The following NDC80 variants were observed in gnomAD, a reference collection of about 807,000 sequenced individuals.
NDC80 encodes the protein kinetochore protein NDC80 homolog.
NDC80 carries 69 observed loss-of-function variants against 89.3 expected under a neutral mutation model. The ratio of observed to expected loss-of-function variants is 0.77; its 90% CI spans 0.64 to 0.94. NDC80 has a LOEUF of 0.94. NDC80 is among the 40% of genes least tolerant of loss of function. The pLI is 0.00. For synonymous variants in NDC80, 243 were observed against 255.6 expected (o/e 0.95, Z 0.47); for missense variants, 593 against 739.6 (o/e 0.80, Z 2.30).
At chr18:2,604,075 T>G (rs2072698117) in intron 13 of NDC80, among the ~76,000 whole-genome samples, 1 of 152,228 alleles carries the variant, frequency 6.6e-6, no homozygotes, top group East Asian at 1.9e-4. Context: ...AGCAAATATT[T>G]TTTGAGTGCT....
chr18:2,607,279 A>C (rs1269512190), intron 14 of NDC80, among the ~76,000 whole-genome samples: 1 of 152,050 alleles, frequency 6.6e-6, no homozygotes, highest in Non-Finnish European at 1.5e-5. Flanking sequence ...GCTTGAGTTT[A>C]CTCTCTGACG....
chr18:2,603,360 T>C (rs930670793), intron 13 of NDC80, among the ~76,000 whole-genome samples: 3 of 123,752 alleles, frequency 2.4e-5, no homozygotes, highest in South Asian at 4.5e-4. Flanking sequence ...TTTATACATA[T>C]ATATATATAT....
intron 10 of NDC80, among the ~76,000 whole-genome samples, chr18:2,590,436 A>G (rs891802369): frequency 5.3e-5 from 8 of 152,302 alleles, no homozygotes; most frequent in South Asian, 2.1e-4. Flanking sequence ...GGGAGGATCT[A>G]TTCCTTGCCT....
chr18:2,604,766 C>T (rs1048159597), intron 13 of NDC80, among the ~76,000 whole-genome samples: 2 of 152,088 alleles, frequency 1.3e-5, no homozygotes, highest in Non-Finnish European at 1.5e-5. Context: ...GAGACAAGAA[C>T]CTAATTATGA....
intron 15 of NDC80, 44 bp from the exon 16 acceptor site, chr18:2,610,715 A>G: frequency 1.5e-6 from 2 of 1,364,468 alleles, no homozygotes; most frequent in South Asian, 2.7e-5. Flanking sequence ...CGGATGTATT[A>G]ATTTTTTTCC....
intron 6 of NDC80, chr18:2,582,204 G>A (rs1237834838): frequency 6.6e-6 from 1 of 152,176 alleles, no homozygotes; most frequent in Non-Finnish European, 1.5e-5. Flanking sequence ...AGCCTCCCAA[G>A]TAGCTAGGAT....
intron 16 of NDC80, among the ~76,000 whole-genome samples, chr18:2,613,849 TACC>T (rs1307209885): frequency 2.0e-5 from 3 of 152,168 alleles, no homozygotes; most frequent in Non-Finnish European, 4.4e-5. Context: ...GGTAAAAGAT[TACC>T]ATCCAGATAT....
At chr18:2,605,707 T>C (rs1466880593) in intron 13 of NDC80, among the ~76,000 whole-genome samples, 1 of 151,898 alleles carries the variant, frequency 6.6e-6, no homozygotes, top group East Asian at 1.9e-4. Context: ...TTCATATGTG[T>C]GTAGAATTAT....
chr18:2,599,508 G>C (rs1468811368), intron 12 of NDC80, among the ~76,000 whole-genome samples: 1 of 152,048 alleles, frequency 6.6e-6, no homozygotes, highest in Non-Finnish European at 1.5e-5. Flanking sequence ...TTCTTCCCAT[G>C]TAGCAAAAAA....
rs71365186 is a variant in NDC80 at position 2,580,731 on chromosome 18, A to ATTTTTTTTTTTTTTTTTTTTTTTTTTTT, written c.579+1704_579+1731dup. On this transcript the variant is annotated intron_variant, in intron 6 of 16. Coordinates refer to ENST00000261597, the MANE Select transcript of NDC80 (RefSeq NM_006101.3). ...ACTACTTTTTTGGTCTCACCATCAGATTTTTTTTTTTTTTTTTTTTTTTTT... is the reference window on the plus strand; with the variant it reads ...ACTACTTTTTTGGTCTCACCATCAGATTTTTTTTTTTTTTTTTTTTTTTTTTTTTTTTTTTTTTTTTTTTTTTTTTTTT... Among the ~76,000 whole-genome samples, 4 of 55,452 alleles carry ATTTTTTTTTTTTTTTTTTTTTTTTTTTT rather than the reference A, an allele frequency of 7.2e-5. 1 individual carries two copies. Among genetic ancestry groups the ATTTTTTTTTTTTTTTTTTTTTTTTTTTT allele is most frequent in the Non-Finnish European group, 1.4e-4 (4 of 28,502 alleles). The allele number at this position is 55,452 out of a possible 152,430, so 36.4% of individuals were successfully genotyped here. A position where few individuals can be genotyped will look rare whatever the true frequency, so the allele number is the denominator to read the frequency against.
intron 13 of NDC80, among the ~76,000 whole-genome samples, chr18:2,603,376 T>TATATATATATATATATATATATATATAC (rs2072694539): frequency 6.8e-6 from 1 of 146,520 alleles, no homozygotes; most frequent in African/African-American, 2.5e-5. Context: ...TATATATATA[T>TATATATATATATATATATATATATATAC]ATACACCTAT....
chr18:2,607,993 A>ATATATATATG (rs2072723521), intron 14 of NDC80, among the ~76,000 whole-genome samples: 1 of 132,366 alleles, frequency 7.6e-6, no homozygotes, highest in South Asian at 2.4e-4. Flanking sequence ...ATATATATAT[A>ATATATATATG]TATATAACTT....
At chr18:2,605,996 TAC>T (rs1210498211) in intron 13 of NDC80, among the ~76,000 whole-genome samples, 2 of 152,068 alleles carry the variant, frequency 1.3e-5, no homozygotes, top group African/African-American at 4.8e-5. Flanking sequence ...ATAAAATTAA[TAC>T]AAACAATTCT....
chr18:2,578,138 T>G lies in NDC80; in HGVS notation c.473T>G (p.Leu158Arg). ...EEEVPRIFKD[L>R]GYPFALSKSS... Reference sequence around the variant, plus strand: ...GAGGTTCCAAGAATCTTTAAAGACCTTGGGTATGTATATTTCTTATTAGTT... The same window carrying G: ...GAGGTTCCAAGAATCTTTAAAGACCGTGGGTATGTATATTTCTTATTAGTT... Residue 158 changes from leucine to arginine, a missense_variant, in exon 5 of 17, where the codon CTT (leucine) becomes CGT (arginine). Physicochemically the swap from Leu to Arg is moderately radical, Grantham distance 102 (BLOSUM62 -2). Transcript: ENST00000261597. 6.2e-7 allele frequency: 1 copy of G among 1,613,154 alleles called. No homozygotes were observed. The highest frequency in any genetic ancestry group is 1.7e-5 in the Admixed American group (1 of 59,864).
At chr18:2,573,976 G>T (rs1471179431) in intron 2 of NDC80, among the ~76,000 whole-genome samples, 1 of 152,074 alleles carries the variant, frequency 6.6e-6, no homozygotes, top group Non-Finnish European at 1.5e-5. Flanking sequence ...TAAGATAATG[G>T]AAATCATAAT....
chr18:2,605,298 GTGTGTGTGTGT>G (rs2072705403), intron 13 of NDC80, among the ~76,000 whole-genome samples: 1 of 149,374 alleles, frequency 6.7e-6, no homozygotes, highest in African/African-American at 2.5e-5. Context: ...GTGTGTGTGT[GTGTGTGTGTGT>G]GTGTGTGTGT....
In NDC80 at chr18:2,614,635, A is replaced by AAGAAAGAAAGAAAGAAAGAAAGAG. The variant is rs2072773809; in HGVS notation, c.1792-1781_1792-1780insGAGAGAAAGAAAGAAAGAAAGAAA. Reference sequence around the variant, plus strand: ...AAAGAAAGAAAGAAAGAAAGAAAGAAAGAAAGAAAGAAAGAAAGAAATAAA... The same window carrying AAGAAAGAAAGAAAGAAAGAAAGAG: ...AAAGAAAGAAAGAAAGAAAGAAAGAAAGAAAGAAAGAAAGAAAGAAAGAGAGAAAGAAAGAAAGAAAGAAATAAA... On this transcript the variant is annotated intron_variant, in intron 16 of 16. Transcript: ENST00000261597. Among the ~76,000 whole-genome samples, 2 of 92,154 alleles carry AAGAAAGAAAGAAAGAAAGAAAGAG rather than the reference A, an allele frequency of 2.2e-5. 1 individual carries two copies. The highest frequency in any genetic ancestry group is 4.8e-5 in the Non-Finnish European group (2 of 41,516). 60.5% of individuals were successfully genotyped at this position (92,154 alleles called of 152,430 possible).
At chr18:2,606,227 G>T (rs998884049) in intron 13 of NDC80, among the ~76,000 whole-genome samples, 188 bp from the exon 14 acceptor site, 12 of 151,810 alleles carry the variant, frequency 7.9e-5, no homozygotes, top group Non-Finnish European at 1.3e-4. Context: ...TAACTTTGAG[G>T]TTTCTTTGAA....
chr18:2,606,433 G>T lies in NDC80; in HGVS notation c.1483G>T (p.Glu495Ter). The change falls in exon 14 of 17, where the codon GAA becomes TAA. Residue 495 changes from glutamate (E) to a stop codon, truncating the protein, a stop_gained. Transcript: ENST00000261597. LOFTEE classifies it high-confidence loss of function. ...TCCCCAGTTGAATGCAATGATAACA[G>T]AAAGCAAGAGAAGTGTGAGAACTCT... ...TLEQLNAMIT[E>*]SKRSVRTLKE... 6.2e-7 allele frequency: 1 copy of T among 1,601,826 alleles called. No homozygotes were observed. The highest frequency in any genetic ancestry group is 1.7e-5 in the Admixed American group (1 of 58,176).
Sources: gnomAD v4.1 joint callset for allele counts (sites outside exome capture counted in the v4.1 genomes callset) on GRCh38, gnomAD v4.1.1 for gene constraint, MANE v1.5 for transcripts, NCBI Gene and HGNC (gene_info 2026-07-23, HGNC 2026-07-21) for gene names.